The following JAK2 variants were observed in gnomAD, a reference collection of about 807,000 sequenced individuals.
JAK2 encodes the protein tyrosine-protein kinase JAK2.
JAK2 carries 86 observed loss-of-function variants against 139.3 expected under a neutral mutation model. The ratio of observed to expected loss-of-function variants is 0.62; its 90% confidence interval spans 0.52 to 0.74. JAK2 has a LOEUF of 0.74. JAK2 is among the 30% of genes least tolerant of loss of function. JAK2 has a pLI of 0.00. For synonymous variants in JAK2, 490 were observed against 437.7 expected, an observed-to-expected ratio of 1.12 and a Z score of -1.49; for missense variants, 1,421 against 1,360.3, an observed-to-expected ratio of 1.04 and a Z score of -0.70.
intron 22 of JAK2, among the ~76,000 whole-genome samples, chr9:5,122,715 G>T (rs1823706466): frequency 6.6e-6 from 1 of 151,916 alleles, no homozygotes; most frequent in Non-Finnish European, 1.5e-5. Flanking sequence ...ACATACTAAA[G>T]TTACATACTC....
At chr9:5,058,082 C>G (rs964750019) in intron 8 of JAK2, among the ~76,000 whole-genome samples, 10 of 152,134 alleles carry the variant, frequency 6.6e-5, no homozygotes, top group African/African-American at 2.4e-4. Flanking sequence ...TTTGTTCATT[C>G]ATCCATCAAT....
chr9:5,112,114 G>A, intron 22 of JAK2: 1 of 329,192 alleles, frequency 3.0e-6, no homozygotes, highest in South Asian at 2.4e-5. Context: ...GGGCATCCAC[G>A]TGCTCTGCAG....
chr9:5,121,011 T>C (rs185647707), intron 22 of JAK2, among the ~76,000 whole-genome samples: 94 of 152,178 alleles, frequency 6.2e-4, no homozygotes, highest in Middle Eastern at 3.4e-3. Context: ...CTTTAGTATA[T>C]AGGTGGATGA....
At chr9:5,115,313 C>G (rs1443427884) in intron 22 of JAK2, among the ~76,000 whole-genome samples, 1 of 152,122 alleles carries the variant, frequency 6.6e-6, no homozygotes, top group Non-Finnish European at 1.5e-5. Context: ...TGAAAAAAAG[C>G]TCATCATCAC....
At chr9:5,058,945 T>C (rs1236154464) in intron 8 of JAK2, among the ~76,000 whole-genome samples, 1 of 152,222 alleles carries the variant, frequency 6.6e-6, no homozygotes, top group Non-Finnish European at 1.5e-5. Flanking sequence ...TTTTCAAATA[T>C]ATGATTTGCA....
rs1422815800 is a variant in JAK2, at chr9:5,090,870, A to C, written c.3018A>C (p.Glu1006Asp). ...CCAAAGTCTTGCCACAAGACAAAGA[A>C]TACTATAAAGTAAAAGAACCTGGTG... ...GLTKVLPQDKEYYKVKEPGES... is the reference protein window; with the variant it reads ...GLTKVLPQDKDYYKVKEPGES... The change falls in exon 22 of 25, where the codon GAA (glutamate) becomes GAC (aspartate). Residue 1006 changes from glutamate to aspartate, a missense_variant. Glu to Asp is a conservative substitution (Grantham distance 45, BLOSUM62 2). Transcript: ENST00000381652. 3.1e-6 allele frequency: 5 copies of C among 1,611,970 alleles called. No individual in the cohort carries two copies. The African/African-American group carries it at 6.7e-5, about 22-fold the overall frequency.
Position 5,077,566 on chromosome 9 carries a change from GC to G in JAK2, c.1980del (p.Met661CysfsTer4). The G allele has an allele frequency of 6.7e-7, 1 of 1,484,180 alleles. No homozygotes were observed. The highest frequency in any genetic ancestry group is 8.9e-7 in the Non-Finnish European group (1 of 1,119,238). The allele number at this position is 1,484,180 out of a possible 1,614,324, so 91.9% of individuals were successfully genotyped here. On this transcript the variant is annotated frameshift_variant, in exon 15 of 25. Transcript: ENST00000381652. LOFTEE classifies it high-confidence loss of function. ...TGAAGTTGCTAAACAGTTGGCATGG[GC>G]CATGCATTTTCTAGTAAGTAGTACA... ...KLEVAKQLAW[A>X]MHFLEENTLI...
chr9:5,083,874 C>T (rs746844656), intron 19 of JAK2, among the ~76,000 whole-genome samples: 5 of 152,094 alleles, frequency 3.3e-5, no homozygotes, highest in Non-Finnish European at 7.4e-5. Flanking sequence ...GTAGTCTCTG[C>T]ACAACTACAC....
Position 5,090,524 on chromosome 9 carries a change from G to A in JAK2, c.2840G>A (p.Arg947Gln), listed in dbSNP as rs777544455. Reference sequence around the variant, plus strand: ...GACTATCTTCAAAAACATAAAGAACGGATAGATCACATAAAACTTCTGCAG... The same window carrying A: ...GACTATCTTCAAAAACATAAAGAACAGATAGATCACATAAAACTTCTGCAG... ...LRDYLQKHKE[R>Q]IDHIKLLQYT... The change falls in exon 21 of 25, where the codon CGG becomes CAG. Residue 947 changes from arginine to glutamine, a missense_variant. By Grantham distance (43) the Arg-to-Gln change is conservative. Coordinates refer to ENST00000381652, the MANE Select transcript of JAK2 (RefSeq NM_004972.4). 42 of 1,593,656 alleles carry A rather than the reference G, an allele frequency of 2.6e-5. No individual in the cohort carries two copies. Among genetic ancestry groups the A allele is most frequent in the Non-Finnish European group, 3.3e-5 (39 of 1,169,866 alleles).
At chr9:5,114,071 C>A in intron 22 of JAK2, 1 of 336,996 alleles carries the variant, frequency 3.0e-6, no homozygotes, top group South Asian at 2.9e-5. Flanking sequence ...AAAGCAAGCT[C>A]ACCCTCACCC....
chr9:5,054,649 G>T lies in JAK2; in HGVS notation c.701G>T (p.Arg234Leu). 6.2e-7 allele frequency: 1 copy of T among 1,613,106 alleles called. No individual in the cohort carries two copies. The highest frequency in any genetic ancestry group is 1.3e-5 in the African/African-American group (1 of 74,970). The change falls in exon 7 of 25, where the codon CGC (arginine) becomes CTC (leucine). Residue 234 changes from arginine (R) to leucine (L), a missense_variant. Transcript: ENST00000381652. The surrounding 1 kb of genome is among the most constrained non-coding windows in gnomAD (Gnocchi z 4.9). ...LTRKRIRYRF[R>L]RFIQQFSQCK... ...AGGAAGCGAATAAGGTACAGATTTCGCAGATTTATTCAGCAATTCAGCCAA... is the reference window on the plus strand; with the variant it reads ...AGGAAGCGAATAAGGTACAGATTTCTCAGATTTATTCAGCAATTCAGCCAA...
chr9:5,096,706 C>G (rs1821020050), intron 22 of JAK2: 1 of 152,148 alleles, frequency 6.6e-6, no homozygotes, highest in Non-Finnish European at 1.5e-5. Context: ...AATCACAAAG[C>G]TATCGGAACA....
intron 10 of JAK2, 45 bp downstream of exon 10, chr9:5,066,834 T>G: frequency 1.3e-6 from 1 of 798,496 alleles, no homozygotes; most frequent in Non-Finnish European, 1.9e-6. Context: ...ATTTAGTTCA[T>G]TTAATTTCCT....
chr9:5,053,469 A>G (rs1001303549), intron 6 of JAK2, among the ~76,000 whole-genome samples: 15 of 152,146 alleles, frequency 9.9e-5, no homozygotes, highest in Middle Eastern at 3.4e-3. Context: ...TTGTAGCACA[A>G]AAGTTTTAAT....
In JAK2 at chr9:5,093,967, C is replaced by G. The variant is rs552525397; in HGVS notation, c.3059+3056C>G. Among the ~76,000 whole-genome samples, 5 of 152,242 alleles carry G rather than the reference C, an allele frequency of 3.3e-5. No homozygotes were observed. In the South Asian group the frequency reaches 8.3e-4, roughly 25 times the overall value. ...GCCCACTTCATAAAGTGCCCTCCCC[C>G]CATAAATGATGCTATCTCAATCTAG... On this transcript the variant is annotated intron_variant, in intron 22 of 24. Transcript: ENST00000381652.
At chr9:5,089,899 G>T (rs952339474) in intron 20 of JAK2, 36 bp downstream of exon 20, 1 of 1,373,910 alleles carries the variant, frequency 7.3e-7, no homozygotes, top group Non-Finnish European at 9.6e-7. Context: ...TAAATTCAAG[G>T]TATGTGTTTG....
Position 5,080,229 on chromosome 9 carries a change from T to G in JAK2, c.2132T>G (p.Ile711Ser), listed in dbSNP as rs1210614513. 1 of 1,607,434 alleles carries G rather than the reference T, an allele frequency of 6.2e-7. No individual in the cohort carries two copies. Among genetic ancestry groups the G allele is most frequent in the African/African-American group, 1.3e-5 (1 of 74,600 alleles). ...CTACTCTGTTCGTATCATTTAAAAG[T>G]TCTTCAGGAGAGAATACCATGGGTA... is the stretch of plus-strand genomic sequence containing the variant. The part of the protein sequence containing the change: ...GISITVLPKD[I>S]LQERIPWVPP... Residue 711 changes from isoleucine (I) to serine (S), a missense_variant and splice_region_variant, in exon 17 of 25, where the codon ATT (isoleucine) becomes AGT (serine). Physicochemically the swap from Ile to Ser is moderately radical, Grantham distance 142. Transcript: ENST00000381652.
intron 8 of JAK2, among the ~76,000 whole-genome samples, chr9:5,059,112 T>TA (rs1190172782): frequency 6.6e-6 from 1 of 152,212 alleles, no homozygotes; most frequent in African/African-American, 2.4e-5. Flanking sequence ...ACACTAATCT[T>TA]ACGTGTATAG....
chr9:5,085,160 C>G (rs1819987373), intron 19 of JAK2: 1 of 649,762 alleles, frequency 1.5e-6, no homozygotes, highest in Non-Finnish European at 3.0e-6. Flanking sequence ...GGAGCTCTGT[C>G]TACATCTCCC....
Sources: gnomAD v4.1 joint callset for allele counts (sites outside exome capture counted in the v4.1 genomes callset) on GRCh38, gnomAD v4.1.1 for gene constraint, Gnocchi (gnomAD v3.1) non-coding constraint, MANE v1.5 for transcripts, NCBI Gene and HGNC (gene_info 2026-07-23, HGNC 2026-07-21) for gene names.